The following IMMP2L variants were observed in gnomAD, a reference collection of about 807,000 sequenced individuals.
The protein encoded by IMMP2L is mitochondrial inner membrane protease subunit 2.
In IMMP2L, 18 loss-of-function variants were observed where a neutral mutation model predicts 19.3. That is an observed-to-expected ratio of 0.93 (90% CI 0.64 to 1.38). The LOEUF (loss-of-function observed/expected upper bound fraction) is 1.38. IMMP2L is among the 40% of genes most tolerant of loss of function. The pLI, the probability that IMMP2L is intolerant of heterozygous loss-of-function variation, is 0.00. For missense variants in IMMP2L, 233 were observed against 218.2 expected (o/e 1.07, Z -0.43); for synonymous variants, 76 against 73.0 (o/e 1.04, Z -0.21).
rs11973097 is a variant in IMMP2L at position 111,285,702 on chromosome 7, T to A, written c.239+201536A>T. ...TCCTCAAGACTTCCACAGCATATGATAGCACTTAACACAGTCTTTCTTGTG... is the reference window on the plus strand; with the variant it reads ...TCCTCAAGACTTCCACAGCATATGAAAGCACTTAACACAGTCTTTCTTGTG... On this transcript the variant is annotated intron_variant, in intron 3 of 5. Coordinates refer to ENST00000405709, the MANE Select transcript of IMMP2L (RefSeq NM_032549.4). Among the ~76,000 whole-genome samples the A allele has an allele frequency of 3.6e-4, 55 of 152,266 alleles. 1 individual carries two copies. Among genetic ancestry groups the A allele is most frequent in the Admixed American group, 3.1e-3 (48 of 15,282 alleles).
chr7:110,722,967 T>A (rs1468113875), intron 5 of IMMP2L, among the ~76,000 whole-genome samples: 2 of 152,142 alleles, frequency 1.3e-5, no homozygotes, highest in Non-Finnish European at 2.9e-5. Flanking sequence ...ACTCAAGCTG[T>A]GAAGCAGGCA....
chr7:110,916,599 C>T (rs778974018), intron 4 of IMMP2L, among the ~76,000 whole-genome samples: 3 of 152,176 alleles, frequency 2.0e-5, no homozygotes, highest in Non-Finnish European at 4.4e-5. Flanking sequence ...ACCTTTCCTA[C>T]ACTACTTCCT....
chr7:110,979,866 C>CTTTATAAATG (rs1821081909), intron 3 of IMMP2L, among the ~76,000 whole-genome samples: 1 of 152,022 alleles, frequency 6.6e-6, no homozygotes, highest in African/African-American at 2.4e-5. Context: ...AGTCACACAG[C>CTTTATAAATG]TTTATAAATA....
At chr7:111,216,610 C>A (rs980173409) in intron 3 of IMMP2L, among the ~76,000 whole-genome samples, 1 of 152,180 alleles carries the variant, frequency 6.6e-6, no homozygotes, top group African/African-American at 2.4e-5. Flanking sequence ...ATTCACCACA[C>A]TGTGCAATAG....
chr7:110,683,847 T>A (rs962684980), intron 5 of IMMP2L, among the ~76,000 whole-genome samples: 1 of 152,130 alleles, frequency 6.6e-6, no homozygotes, highest in Non-Finnish European at 1.5e-5. Flanking sequence ...TTTTTCAGAT[T>A]TGAGTTCCTA....
intron 3 of IMMP2L, among the ~76,000 whole-genome samples, chr7:111,420,480 A>G (rs1463717900): frequency 6.6e-6 from 1 of 151,750 alleles, no homozygotes; most frequent in African/African-American, 2.4e-5. Context: ...ATAACTATGC[A>G]TGTGCCATCT....
At chr7:110,687,677 C>T (rs1301290502) in intron 5 of IMMP2L, among the ~76,000 whole-genome samples, 1 of 144,798 alleles carries the variant, frequency 6.9e-6, no homozygotes, top group Non-Finnish European at 1.6e-5. Flanking sequence ...AAAAATGTTA[C>T]ACTTTTTGAT....
chr7:110,847,426 G>A (rs10241294), intron 5 of IMMP2L, among the ~76,000 whole-genome samples: 8,138 of 152,180 alleles, frequency 0.053, 707 homozygotes, highest in African/African-American at 0.18. Flanking sequence ...GCTCATTTGA[G>A]AAACTCAGAT....
At chr7:110,695,684 A>C (rs1272509181) in intron 5 of IMMP2L, among the ~76,000 whole-genome samples, 1 of 152,168 alleles carries the variant, frequency 6.6e-6, no homozygotes, top group East Asian at 1.9e-4. Context: ...CTTCTAGAAC[A>C]GCCCAAACCT....
At chr7:111,554,958 AT>A (rs1335327910) in intron 1 of IMMP2L, among the ~76,000 whole-genome samples, 1 of 151,712 alleles carries the variant, frequency 6.6e-6, no homozygotes, top group Non-Finnish European at 1.5e-5. Flanking sequence ...GAGGTTGCAA[AT>A]TTTTTTTGTG....
intron 3 of IMMP2L, among the ~76,000 whole-genome samples, chr7:111,347,727 T>C (rs987189423): frequency 2.0e-5 from 3 of 151,568 alleles, no homozygotes; most frequent in South Asian, 2.1e-4. Flanking sequence ...ATTTAGAATA[T>C]ATGAAAAAAA....
chr7:111,331,960 T>C (rs1458793295), intron 3 of IMMP2L, among the ~76,000 whole-genome samples: 9 of 151,880 alleles, frequency 5.9e-5, no homozygotes, highest in South Asian at 2.1e-4. Flanking sequence ...TATACATATA[T>C]ATATTTATTT....
intron 5 of IMMP2L, among the ~76,000 whole-genome samples, chr7:110,863,363 A>C (rs1807647805): frequency 6.6e-6 from 1 of 152,168 alleles, no homozygotes; most frequent in Non-Finnish European, 1.5e-5. Flanking sequence ...CTCATGACAC[A>C]AAGAAAAGAG....
chr7:111,288,310 C>A (rs1439030569), intron 3 of IMMP2L, among the ~76,000 whole-genome samples: 1 of 151,946 alleles, frequency 6.6e-6, no homozygotes, highest in Non-Finnish European at 1.5e-5. Flanking sequence ...AGACTTAAAC[C>A]TAAGACCTAA....
chr7:111,507,754 T>C (rs555218088), intron 2 of IMMP2L, among the ~76,000 whole-genome samples: 1 of 152,286 alleles, frequency 6.6e-6, no homozygotes, highest in South Asian at 2.1e-4. Flanking sequence ...CCAAAATGTA[T>C]CTGCTTGTGA....
intron 3 of IMMP2L, among the ~76,000 whole-genome samples, chr7:111,338,019 G>A (rs1304180816): frequency 6.6e-6 from 1 of 152,100 alleles, no homozygotes; most frequent in Non-Finnish European, 1.5e-5. Flanking sequence ...ACGATTCAGG[G>A]CAACTTGTGA....
At chr7:111,451,478 T>C (rs542805901) in intron 3 of IMMP2L, among the ~76,000 whole-genome samples, 97 of 139,334 alleles carry the variant, frequency 7.0e-4, no homozygotes, top group Non-Finnish European at 1.0e-3. Flanking sequence ...AACCAAACAC[T>C]GCATATTCTC....
intron 4 of IMMP2L, among the ~76,000 whole-genome samples, chr7:110,932,463 C>G (rs973992456): frequency 2.0e-5 from 3 of 152,116 alleles, no homozygotes; most frequent in Non-Finnish European, 4.4e-5. Flanking sequence ...GTGCCATTCT[C>G]CTGCCTCAGC....
intron 3 of IMMP2L, among the ~76,000 whole-genome samples, chr7:111,243,396 T>A (rs1815402047): frequency 6.6e-6 from 1 of 152,126 alleles, no homozygotes; most frequent in Admixed American, 6.6e-5. Flanking sequence ...TTTATATTCT[T>A]GCATGGACTA....
Sources: gnomAD v4.1 joint callset for allele counts (sites outside exome capture counted in the v4.1 genomes callset) on GRCh38, gnomAD v4.1.1 for gene constraint, MANE v1.5 for transcripts, NCBI Gene and HGNC (gene_info 2026-07-23, HGNC 2026-07-21) for gene names.